MTR: variants seen among roughly 807,000 people sequenced by gnomAD.
MTR encodes methionine synthase.
Under a neutral mutation model 154.8 loss-of-function variants are expected in MTR, and 84 were observed. The observed-to-expected ratio is 0.54, with a 90% CI of 0.45 to 0.65. The LOEUF is 0.65. MTR is among the 30% of genes least tolerant of loss of function. MTR has a pLI of 0.00. For synonymous variants in MTR, 554 were observed against 553.9 expected (o/e 1.00, Z 0.00); for missense variants, 1,275 against 1,570.2 (o/e 0.81, Z 3.18).
At chr1:236,823,162 A>G (rs1481272757) in intron 8 of MTR, among the ~76,000 whole-genome samples, 2 of 152,226 alleles carry the variant, frequency 1.3e-5, no homozygotes, top group Non-Finnish European at 2.9e-5. Flanking sequence ...ATGCATGACT[A>G]TGGTACTTTT....
chr1:236,847,700 G>A (rs1418623357), intron 15 of MTR, among the ~76,000 whole-genome samples: 1 of 152,188 alleles, frequency 6.6e-6, no homozygotes, highest in African/African-American at 2.4e-5. Context: ...CAAAACACTT[G>A]CTGAGACCCC....
In MTR at chr1:236,865,558, T is replaced by A. The variant is rs566345441; in HGVS notation, c.2405+2004T>A. Among the ~76,000 whole-genome samples the A allele has an allele frequency of 7.2e-5, 11 of 152,312 alleles. No individual in the cohort carries two copies. In the South Asian group the frequency reaches 2.3e-3, roughly 32 times the overall value. ...TCATTGTTGCAGTGAATCTCAAAAATGATAACAATGTTTTTTCTTTGTGGG... is the reference window on the plus strand; with the variant it reads ...TCATTGTTGCAGTGAATCTCAAAAAAGATAACAATGTTTTTTCTTTGTGGG... On this transcript the variant is annotated intron_variant, in intron 22 of 32. Coordinates refer to ENST00000366577, the MANE Select transcript of MTR (RefSeq NM_000254.3).
intron 24 of MTR, among the ~76,000 whole-genome samples, chr1:236,878,659 G>C (rs1185933627): frequency 6.6e-6 from 1 of 152,162 alleles, no homozygotes; most frequent in African/African-American, 2.4e-5. Flanking sequence ...TTATGAATTT[G>C]TATTGGGCCA....
intron 27 of MTR, among the ~76,000 whole-genome samples, chr1:236,886,734 T>C (rs559006304): frequency 6.6e-6 from 1 of 152,342 alleles, no homozygotes; most frequent in African/African-American, 2.4e-5. Context: ...CTTTCCTCTG[T>C]GCTGTGCTTG....
At chr1:236,860,800 G>A (rs975874479) in intron 19 of MTR, among the ~76,000 whole-genome samples, 10 of 152,148 alleles carry the variant, frequency 6.6e-5, no homozygotes, top group African/African-American at 2.2e-4. Context: ...ATATAAAATT[G>A]TATGTATTTA....
At position 236,861,097 on chromosome 1, in the gene MTR, C is replaced by CTTTTTTT. The variant is rs397974349; in HGVS notation, c.2044-18_2044-12dup. Reference sequence around the variant, plus strand: ...ATTTTTTTTTTCTTTCTTTCTTTTTCTTTTTTTTTTTTTTTTGTCTTTTTT... The same window carrying CTTTTTTT: ...ATTTTTTTTTTCTTTCTTTCTTTTTCTTTTTTTTTTTTTTTTTTTTTTTGTCTTTTTT... On this transcript the variant is annotated intron_variant, in intron 19 of 32. Transcript: ENST00000366577. The CTTTTTTT allele has an allele frequency of 6.8e-4, 791 of 1,159,446 alleles. 1 individual carries two copies. Among genetic ancestry groups the CTTTTTTT allele is most frequent in the South Asian group, 2.8e-3 (170 of 60,576 alleles). The allele number at this position is 1,159,446 out of a possible 1,614,324, so 71.8% of individuals were successfully genotyped here.
At chr1:236,805,452 T>C (rs2103020931) in intron 2 of MTR, among the ~76,000 whole-genome samples, 1 of 152,160 alleles carries the variant, frequency 6.6e-6, no homozygotes, top group Non-Finnish European at 1.5e-5. Flanking sequence ...TGAGTGCCCA[T>C]TGTGTGCCAG....
chr1:236,807,242 C>T (rs922932726), intron 3 of MTR, among the ~76,000 whole-genome samples: 6 of 152,052 alleles, frequency 3.9e-5, no homozygotes, highest in African/African-American at 7.3e-5. Context: ...GGAGTGATCT[C>T]GGCTCACTGC....
Position 236,900,588 on chromosome 1 carries a change from T to C in MTR, c.*2944T>C, listed in dbSNP as rs1666876584. 6.6e-6 allele frequency: 1 copy of C among 152,160 alleles called. No individual in the cohort carries two copies. Among genetic ancestry groups the C allele is most frequent in the Admixed American group, 6.5e-5 (1 of 15,286 alleles). The allele number at this position is 152,160 out of a possible 1,614,324, so 9.4% of individuals were successfully genotyped here. A position where few individuals can be genotyped will look rare whatever the true frequency, so the allele number is the denominator to read the frequency against. On this transcript the variant is annotated 3_prime_UTR_variant, in exon 33 of 33. Transcript: ENST00000366577. ...TTAATACATTATACTTTATAACTAA[T>C]AGATAACAGTTTTTTACATATTAAA...
At chr1:236,851,810 AGCTGTTTGTTCATTT>A (rs1234238185) in intron 16 of MTR, among the ~76,000 whole-genome samples, 5 of 152,210 alleles carry the variant, frequency 3.3e-5, no homozygotes, top group Non-Finnish European at 7.3e-5. Flanking sequence ...GTGTGGCTGT[AGCTGTTTGTTCATTT>A]TTATTAATGT....
Position 236,878,237 on chromosome 1 carries a change from A to G in MTR, c.2595-2518A>G, listed in dbSNP as rs529942944. Reference sequence around the variant, plus strand: ...TGGTTAATGCCTTTTGCATCCAAATAAGTAAGTCATCTCCTAGGAGAGCCA... The same window carrying G: ...TGGTTAATGCCTTTTGCATCCAAATGAGTAAGTCATCTCCTAGGAGAGCCA... On this transcript the variant is annotated intron_variant, in intron 24 of 32. Transcript: ENST00000366577. 5.3e-5 allele frequency among the ~76,000 whole-genome samples: 8 copies of G among 152,320 alleles called. No homozygotes were observed. In the South Asian group the frequency reaches 1.7e-3, roughly 32 times the overall value.
In MTR at chr1:236,892,539, T is replaced by TAATC. The variant is rs1666386567; in HGVS notation, c.3204+1212_3204+1215dup. Among the ~76,000 whole-genome samples the TAATC allele has an allele frequency of 2.0e-5, 3 of 152,166 alleles. No individual in the cohort carries two copies. The South Asian group carries it at 6.2e-4, about 32-fold the overall frequency. ...TTAATCCCAACCACAATATAATTCA[T>TAATC]AATCATCCATATTTTTACCATAACA... On this transcript the variant is annotated intron_variant, in intron 29 of 32. Coordinates refer to ENST00000366577, the MANE Select transcript of MTR (RefSeq NM_000254.3).
chr1:236,861,444 C>T (rs1330239495), intron 20 of MTR, among the ~76,000 whole-genome samples, 167 bp downstream of exon 20: 4 of 152,098 alleles, frequency 2.6e-5, no homozygotes, highest in Non-Finnish European at 5.9e-5. Flanking sequence ...TGCAAGAATC[C>T]GTCTTCAGAG....
At chr1:236,801,401 C>T (rs561462354) in intron 1 of MTR, among the ~76,000 whole-genome samples, 1 of 152,164 alleles carries the variant, frequency 6.6e-6, no homozygotes, top group African/African-American at 2.4e-5. Flanking sequence ...GAGCCACCTT[C>T]CTGAAGCCCA....
At chr1:236,891,902 A>G (rs1268094311) in intron 29 of MTR, among the ~76,000 whole-genome samples, 5 of 151,962 alleles carry the variant, frequency 3.3e-5, no homozygotes, top group Non-Finnish European at 7.4e-5. Flanking sequence ...GCCCCCCAAT[A>G]TAGAGAGGAG....
intron 8 of MTR, chr1:236,820,627 G>C (rs1426728422): frequency 5.6e-6 from 3 of 538,128 alleles, no homozygotes; most frequent in Non-Finnish European, 9.9e-6. Context: ...ATTCATGGCA[G>C]GTTTTTGTGT....
chr1:236,897,549 CT>C lies in MTR; in HGVS notation c.3712-5del, dbSNP rs1240778995. On this transcript the variant is annotated splice_polypyrimidine_tract_variant and splice_region_variant and intron_variant, in intron 32 of 32. Transcript: ENST00000366577. ...GTTGGTTTAATAAAATGCTTCTCAT[CT>C]TTTGCAGGTTGAGGATTATGCATTG... is the stretch of plus-strand genomic sequence containing the variant. The C allele has an allele frequency of 1.9e-6, 3 of 1,612,374 alleles. No individual in the cohort carries two copies. The highest frequency in any genetic ancestry group is 1.7e-6 in the Non-Finnish European group (2 of 1,178,696).
chr1:236,899,118 T>A lies in MTR; in HGVS notation c.*1474T>A, dbSNP rs547717392. 2.0e-5 allele frequency: 3 copies of A among 152,166 alleles called. No individual in the cohort carries two copies. The highest frequency in any genetic ancestry group is 4.4e-5 in the Non-Finnish European group (3 of 68,028). 9.4% of individuals were successfully genotyped at this position (152,166 alleles called of 1,614,324 possible). A position where few individuals can be genotyped will look rare whatever the true frequency, so the allele number is the denominator to read the frequency against. Reference sequence around the variant, plus strand: ...TATTCAAGATTATAAAGGTATCAGGTCTCCTAAAATTGATCTATGGATTTA... The same window carrying A: ...TATTCAAGATTATAAAGGTATCAGGACTCCTAAAATTGATCTATGGATTTA... On this transcript the variant is annotated 3_prime_UTR_variant, in exon 33 of 33. Transcript: ENST00000366577.
intron 19 of MTR, among the ~76,000 whole-genome samples, chr1:236,860,449 A>C (rs1664473852): frequency 6.7e-6 from 1 of 148,248 alleles, no homozygotes; most frequent in Non-Finnish European, 1.5e-5. Flanking sequence ...TAACTCTTTC[A>C]CCTTTTGAGA....
Sources: allele counts gnomAD v4.1 joint callset (sites outside exome capture counted in the v4.1 genomes callset), GRCh38; gene constraint gnomAD v4.1.1; transcripts MANE v1.5; gene names NCBI Gene and HGNC (gene_info 2026-07-23, HGNC 2026-07-21).